AGFG1: variants seen among roughly 807,000 people sequenced by gnomAD.
AGFG1 encodes the protein ArfGAP with FG repeats 1.
In AGFG1, 10 loss-of-function variants were observed where a neutral mutation model predicts 60.6. The ratio of observed to expected loss-of-function variants is 0.16; its 90% CI spans 0.10 to 0.28. AGFG1 has a LOEUF of 0.28. Ranked by LOEUF, AGFG1 falls within the 10% of genes least tolerant of loss-of-function variation. AGFG1 has a pLI of 1.00. For missense variants in AGFG1, 537 were observed against 676.5 expected, an observed-to-expected ratio of 0.79 and a Z score of 2.29; for synonymous variants, 247 against 242.9, an observed-to-expected ratio of 1.02 and a Z score of -0.16.
At chr2:227,539,746 C>CAAAAAAA (rs71039604) in intron 10 of AGFG1, among the ~76,000 whole-genome samples, 1 of 65,560 alleles carries the variant, frequency 1.5e-5, no homozygotes, top group Non-Finnish European at 3.1e-5. Context: ...CTCTAGCTCA[C>CAAAAAAA]AAAAAAAAAA....
At chr2:227,527,202 C>G (rs1220172083) in intron 5 of AGFG1, among the ~76,000 whole-genome samples, 1 of 152,094 alleles carries the variant, frequency 6.6e-6, no homozygotes, top group Non-Finnish European at 1.5e-5. Context: ...TAACTTTGGG[C>G]AAATTACCTA....
chr2:227,533,687 A>T lies in AGFG1; in HGVS notation c.953A>T (p.Lys318Ile). The change falls in exon 7 of 13, where the codon AAA becomes ATA. Residue 318 changes from lysine (K) to isoleucine (I), a missense_variant. This residue lies in a region of AGFG1 where 287 missense variants were observed against 343.6 expected (regional missense o/e 0.84). Coordinates refer to ENST00000310078, the MANE Select transcript of AGFG1 (RefSeq NM_004504.5). ...GCTGTTAGTAAAGTTTCAACGAACA[A>T]AGCTGGTTTACAGACTGCAGACAAA... is the stretch of plus-strand genomic sequence containing the variant. Reference protein sequence around the residue: ...ASAVSKVSTNKAGLQTADKYA... With the variant: ...ASAVSKVSTNIAGLQTADKYA... 1 of 1,613,864 alleles carries T rather than the reference A, an allele frequency of 6.2e-7. No individual in the cohort carries two copies. Among genetic ancestry groups the T allele is most frequent in the South Asian group, 1.1e-5 (1 of 91,076 alleles).
intron 2 of AGFG1, among the ~76,000 whole-genome samples, chr2:227,514,741 C>A (rs1390969960): frequency 6.6e-6 from 1 of 152,114 alleles, no homozygotes; most frequent in African/African-American, 2.4e-5. Flanking sequence ...TGATTATTCA[C>A]CTCCCCCAAA....
At position 227,503,686 on chromosome 2, in the gene AGFG1, G is replaced by A. The variant is rs530125356; in HGVS notation, c.261+12046G>A. On this transcript the variant is annotated intron_variant, in intron 2 of 12. Transcript: ENST00000310078. ...ACTGGGCTCTTTGGGAAGTTGGAAA[G>A]GCACACCAGGATCTGAGTGTCACTG... 2.6e-5 allele frequency among the ~76,000 whole-genome samples: 4 copies of A among 152,308 alleles called. No individual in the cohort carries two copies. In the South Asian group the frequency reaches 8.3e-4, roughly 32 times the overall value.
At chr2:227,520,673 G>A (rs559837108) in intron 3 of AGFG1, among the ~76,000 whole-genome samples, 4 of 152,118 alleles carry the variant, frequency 2.6e-5, no homozygotes, top group Admixed American at 2.0e-4. Flanking sequence ...TATGGAATAG[G>A]GACTATATCT....
At chr2:227,522,306 A>C (rs1416606403) in intron 3 of AGFG1, among the ~76,000 whole-genome samples, 1 of 152,258 alleles carries the variant, frequency 6.6e-6, no homozygotes, top group South Asian at 2.1e-4. Flanking sequence ...TTTTGAACCA[A>C]TAACTATCAT....
At chr2:227,488,850 G>T (rs561740443) in intron 1 of AGFG1, among the ~76,000 whole-genome samples, 93 of 152,276 alleles carry the variant, frequency 6.1e-4, no homozygotes, top group African/African-American at 2.1e-3. Context: ...GTCTAGCTCT[G>T]TTGCCCATGC....
intron 2 of AGFG1, among the ~76,000 whole-genome samples, chr2:227,504,122 C>T (rs1216916100): frequency 6.6e-6 from 1 of 151,350 alleles, no homozygotes; most frequent in Non-Finnish European, 1.5e-5. Flanking sequence ...ACTGGTCTTG[C>T]TGTCTTGGAG....
At chr2:227,532,022 C>A in intron 6 of AGFG1, 1 of 740,728 alleles carries the variant, frequency 1.4e-6, no homozygotes, top group Admixed American at 3.6e-5. Flanking sequence ...AGATTTTTGG[C>A]TGATTACTTT....
At chr2:227,505,729 T>G (rs1231588211) in intron 2 of AGFG1, among the ~76,000 whole-genome samples, 10 of 152,030 alleles carry the variant, frequency 6.6e-5, no homozygotes, top group Non-Finnish European at 1.2e-4. Context: ...CTTTTTATTT[T>G]GTTTTTTTTG....
At chr2:227,514,272 C>G (rs571815677) in intron 2 of AGFG1, among the ~76,000 whole-genome samples, 5 of 152,160 alleles carry the variant, frequency 3.3e-5, no homozygotes, top group Non-Finnish European at 5.9e-5. Context: ...AGTACAGTGG[C>G]ACGATCTCAG....
intron 2 of AGFG1, among the ~76,000 whole-genome samples, chr2:227,504,724 CATA>C (rs1691261184): frequency 1.3e-5 from 2 of 152,184 alleles, no homozygotes; most frequent in African/African-American, 4.8e-5. Flanking sequence ...TTAATTTTTA[CATA>C]TTTGAGGTTT....
chr2:227,510,230 C>G (rs941655679), intron 2 of AGFG1, among the ~76,000 whole-genome samples: 3 of 152,018 alleles, frequency 2.0e-5, no homozygotes, highest in African/African-American at 7.2e-5. Flanking sequence ...GGGAAAACCA[C>G]GAAACACAGC....
In AGFG1 at chr2:227,532,067, G is replaced by A. The variant is rs559461125; in HGVS notation, c.814+857G>A. The A allele has an allele frequency of 1.1e-5, 14 of 1,251,722 alleles. No homozygotes were observed. In the African/African-American group the frequency reaches 2.1e-4, roughly 19 times the overall value. The allele number at this position is 1,251,722 out of a possible 1,614,324, so 77.5% of individuals were successfully genotyped here. On this transcript the variant is annotated intron_variant, in intron 6 of 12. Transcript: ENST00000310078. The stretch of plus-strand genomic sequence containing the variant: ...TTTTAACTCTGTGTATTGTCTTAAA[G>A]CCTTTTCTTTCAATTTTCTTTTTTG...
At chr2:227,515,662 G>T (rs1691628305) in intron 2 of AGFG1, among the ~76,000 whole-genome samples, 1 of 151,938 alleles carries the variant, frequency 6.6e-6, no homozygotes, top group Admixed American at 6.6e-5. Flanking sequence ...AGATAAAGCT[G>T]GAGAAAAAAA....
At chr2:227,541,958 A>G (rs533874185) in intron 10 of AGFG1, among the ~76,000 whole-genome samples, 6 of 152,300 alleles carry the variant, frequency 3.9e-5, no homozygotes, top group South Asian at 2.1e-4. Context: ...CTTTGTAGCA[A>G]TTGTGAATGG....
intron 10 of AGFG1, among the ~76,000 whole-genome samples, chr2:227,551,245 C>T (rs374524225): frequency 3.3e-5 from 5 of 152,154 alleles, no homozygotes; most frequent in South Asian, 4.1e-4. Flanking sequence ...ACACTAATTT[C>T]GATAGCTCAG....
chr2:227,472,428 G>C lies in AGFG1; in HGVS notation c.7G>C (p.Ala3Pro). The change falls in exon 1 of 13, where the codon GCC (alanine) becomes CCC (proline). Residue 3 changes from alanine to proline, a missense_variant. Transcript: ENST00000310078. Reference sequence around the variant, plus strand: ...CTCCCTTGGCGCCGCGGCCATGGCGGCCAGCGCGAAGCGGAAGCAGGAGGA... The same window carrying C: ...CTCCCTTGGCGCCGCGGCCATGGCGCCCAGCGCGAAGCGGAAGCAGGAGGA... Reference protein sequence around the residue: MAASAKRKQEEKH... With the variant: MAPSAKRKQEEKH... The C allele has an allele frequency of 4.0e-6, 6 of 1,514,432 alleles. No homozygotes were observed. The highest frequency in any genetic ancestry group is 5.3e-6 in the Non-Finnish European group (6 of 1,129,722). The allele number at this position is 1,514,432 out of a possible 1,614,324, so 93.8% of individuals were successfully genotyped here.
At chr2:227,512,392 T>C (rs1420068384) in intron 2 of AGFG1, among the ~76,000 whole-genome samples, 1 of 152,232 alleles carries the variant, frequency 6.6e-6, no homozygotes, top group Non-Finnish European at 1.5e-5. Flanking sequence ...ATTGTTTAGA[T>C]ATGTGTCAGT....
Sources: allele counts gnomAD v4.1 joint callset (sites outside exome capture counted in the v4.1 genomes callset), GRCh38; gene constraint gnomAD v4.1.1; regional missense constraint gnomAD v4.1.1; transcripts MANE v1.5; gene names NCBI Gene and HGNC (gene_info 2026-07-23, HGNC 2026-07-21).